Variants in TSGA10 observed in about 807,000 individuals in gnomAD.
The protein encoded by TSGA10 is testis-specific gene 10 protein.
TSGA10 carries 43 observed loss-of-function variants against 96.6 expected under a neutral mutation model. The ratio of observed to expected loss-of-function variants is 0.44; its 90% confidence interval spans 0.35 to 0.57. The LOEUF (loss-of-function observed/expected upper bound fraction) is 0.57, where lower values mean the gene tolerates loss of function less well. Among genes scored for constraint, TSGA10 ranks in the 20% least tolerant of loss-of-function variants. The pLI is 0.01. For missense variants in TSGA10, 703 were observed against 834.4 expected, an observed-to-expected ratio of 0.84 and a Z score of 1.94; for synonymous variants, 229 against 269.9, an observed-to-expected ratio of 0.85 and a Z score of 1.48.
intron 1 of TSGA10, among the ~76,000 whole-genome samples, chr2:99,133,802 T>C (rs1470583817): frequency 1.3e-5 from 2 of 152,260 alleles, no homozygotes; most frequent in African/African-American, 2.4e-5. Context: ...ATCTCAGCAT[T>C]TGCTTATCTG....
chr2:99,149,634 G>A (rs370234405), intron 1 of TSGA10, among the ~76,000 whole-genome samples: 1 of 151,296 alleles, frequency 6.6e-6, no homozygotes, highest in East Asian at 1.9e-4. Flanking sequence ...AATACAGATG[G>A]GGTTTCACCA....
chr2:99,013,113 C>T (rs1049737796), intron 20 of TSGA10, among the ~76,000 whole-genome samples: 1 of 151,844 alleles, frequency 6.6e-6, no homozygotes, highest in African/African-American at 2.4e-5. Flanking sequence ...CAGGTGTGAC[C>T]TTAGAGTGTC....
At chr2:99,114,869 G>A (rs1027113550) in intron 4 of TSGA10, among the ~76,000 whole-genome samples, 9 of 152,146 alleles carry the variant, frequency 5.9e-5, no homozygotes, top group African/African-American at 1.9e-4. Flanking sequence ...GTCTGGGAAG[G>A]AGTGCAGTTA....
At position 99,064,538 on chromosome 2, in the gene TSGA10, C is replaced by CA. The variant is rs1363467702; in HGVS notation, c.1404+400dup. Reference sequence around the variant, plus strand: ...GACACACTGACAGGAAAGTTATGCACACCAGCAACTAGGGAGGTAGGAGGG... The same window carrying CA: ...GACACACTGACAGGAAAGTTATGCACAACCAGCAACTAGGGAGGTAGGAGGG... On this transcript the variant is annotated intron_variant, in intron 16 of 20. Coordinates refer to ENST00000393483, the MANE Select transcript of TSGA10 (RefSeq NM_025244.4). 2.0e-5 allele frequency among the ~76,000 whole-genome samples: 3 copies of CA among 152,126 alleles called. No individual in the cohort carries two copies. In the East Asian group the frequency reaches 5.8e-4, roughly 29 times the overall value.
intron 16 of TSGA10, among the ~76,000 whole-genome samples, chr2:99,044,351 C>CAAAAA (rs57316203): frequency 3.0e-5 from 3 of 98,574 alleles, no homozygotes; most frequent in Admixed American, 1.0e-4. Flanking sequence ...AAATGGAAAG[C>CAAAAA]AAAAAAAAAA....
intron 17 of TSGA10, among the ~76,000 whole-genome samples, chr2:99,027,289 T>G (rs890172363): frequency 1.3e-5 from 2 of 152,152 alleles, no homozygotes; most frequent in South Asian, 4.1e-4. Context: ...CTAAATGAAA[T>G]AAGCCAGGCA....
At chr2:99,102,516 T>C (rs573558412) in intron 10 of TSGA10, 122 of 1,614,068 alleles carry the variant, frequency 7.6e-5, no homozygotes, top group Middle Eastern at 1.6e-4. Context: ...GGCTCCATTT[T>C]ACTTGTTTGA....
intron 2 of TSGA10, among the ~76,000 whole-genome samples, chr2:99,119,816 A>G (rs995513146): frequency 2.0e-5 from 3 of 152,164 alleles, no homozygotes; most frequent in Admixed American, 6.6e-5. Context: ...TACTTATTTT[A>G]CCCTACCCTT....
At chr2:99,086,726 G>A (rs756835615) in intron 10 of TSGA10, among the ~76,000 whole-genome samples, 2 of 152,060 alleles carry the variant, frequency 1.3e-5, no homozygotes, top group African/African-American at 2.4e-5. Context: ...TGTACCAGAG[G>A]TTCTACCAAG....
chr2:99,064,889 C>T (rs765422249), intron 16 of TSGA10, 50 bp downstream of exon 16: 1 of 1,462,680 alleles, frequency 6.8e-7, no homozygotes, highest in Non-Finnish European at 9.1e-7. Context: ...AAACAAAACT[C>T]TTTTAAATAT....
intron 1 of TSGA10, among the ~76,000 whole-genome samples, chr2:99,146,072 C>T (rs1295770553): frequency 6.6e-6 from 1 of 152,196 alleles, no homozygotes; most frequent in African/African-American, 2.4e-5. Context: ...CACTTGAGGT[C>T]AGGAATTCGA....
At chr2:99,144,324 G>C (rs1053401649) in intron 1 of TSGA10, among the ~76,000 whole-genome samples, 12 of 151,828 alleles carry the variant, frequency 7.9e-5, no homozygotes, top group Non-Finnish European at 1.8e-4. Flanking sequence ...CCCGGCCTGT[G>C]TTCCGTTTTT....
intron 1 of TSGA10, among the ~76,000 whole-genome samples, chr2:99,144,961 G>A (rs766303144): frequency 2.2e-4 from 34 of 152,158 alleles, no homozygotes; most frequent in Non-Finnish European, 4.3e-4. Context: ...TGTTTGCTAC[G>A]GCTGTGCAAC....
In TSGA10 at chr2:99,127,158, CAT is replaced by C; in HGVS notation, c.-604_-603del. ...GAAACTGGAGCCCCTAGACCAAAAT[CAT>C]ATTCTTTGGTGGTAACCTAGTACAA... On this transcript the variant is annotated 5_prime_UTR_variant, in exon 2 of 21. In the 5' UTR this introduces an upstream ATG that the reference lacks. Transcript: ENST00000393483. 1 of 1,287,810 alleles carries C rather than the reference CAT, an allele frequency of 7.8e-7. No homozygotes were observed. Among genetic ancestry groups the C allele is most frequent in the Admixed American group, 2.3e-5 (1 of 43,140 alleles). The allele number at this position is 1,287,810 out of a possible 1,614,324, so 79.8% of individuals were successfully genotyped here.
intron 10 of TSGA10, among the ~76,000 whole-genome samples, chr2:99,099,728 C>G (rs749986548): frequency 6.6e-6 from 1 of 151,748 alleles, no homozygotes; most frequent in Non-Finnish European, 1.5e-5. Flanking sequence ...TCACATATAA[C>G]AAGGCAAGAA....
chr2:99,037,154 A>G (rs1398996374), intron 16 of TSGA10, among the ~76,000 whole-genome samples: 1 of 152,220 alleles, frequency 6.6e-6, no homozygotes, highest in Non-Finnish European at 1.5e-5. Flanking sequence ...TTGGATCTAG[A>G]TATTTACAGA....
intron 1 of TSGA10, among the ~76,000 whole-genome samples, chr2:99,147,654 GT>G (rs1318293646): frequency 1.3e-5 from 2 of 152,138 alleles, no homozygotes; most frequent in South Asian, 2.1e-4. Flanking sequence ...TTTTTAAAAC[GT>G]TTTTTCAATT....
intron 10 of TSGA10, among the ~76,000 whole-genome samples, chr2:99,094,795 C>A (rs2089834424): frequency 1.3e-5 from 2 of 152,202 alleles, no homozygotes; most frequent in South Asian, 4.1e-4. Flanking sequence ...CACTTTTACA[C>A]TGCTGGTGGG....
At chr2:99,076,461 T>C (rs1360361799) in intron 12 of TSGA10, among the ~76,000 whole-genome samples, 1 of 152,172 alleles carries the variant, frequency 6.6e-6, no homozygotes, top group Non-Finnish European at 1.5e-5. Flanking sequence ...TCCATGATGA[T>C]AGATCTCACA....
Sources: allele counts gnomAD v4.1 joint callset (sites outside exome capture counted in the v4.1 genomes callset), GRCh38; gene constraint gnomAD v4.1.1; transcripts MANE v1.5; gene names NCBI Gene and HGNC (gene_info 2026-07-23, HGNC 2026-07-21).